The following URB2 variants were observed in gnomAD, a reference collection of about 807,000 sequenced individuals.
URB2 encodes the protein URB2 ribosome biogenesis homolog.
A neutral mutation model predicts 120.9 loss-of-function variants in URB2; 86 were observed. The ratio of observed to expected loss-of-function variants is 0.71; its 90% CI spans 0.60 to 0.85. The LOEUF (loss-of-function observed/expected upper bound fraction) is 0.85. Ranked by LOEUF, URB2 falls within the 40% of genes least tolerant of loss-of-function variation. The pLI, the probability that URB2 is intolerant of heterozygous loss-of-function variation, is 0.00. For synonymous variants in URB2, 755 were observed against 758.4 expected, an observed-to-expected ratio of 1.00 and a Z score of 0.07; for missense variants, 1,765 against 1,836.5, an observed-to-expected ratio of 0.96 and a Z score of 0.71.
At chr1:229,632,504 G>A in intron 3 of URB2, 59 bp downstream of exon 3, 1 of 1,416,514 alleles carries the variant, frequency 7.1e-7, no homozygotes. Context: ...TCTTGTTAAT[G>A]CTGGAAACTT....
In URB2 at chr1:229,635,431, A is replaced by G. The variant is rs779556327; in HGVS notation, c.818A>G (p.Asn273Ser). The G allele has an allele frequency of 6.2e-7, 1 of 1,613,826 alleles. No individual in the cohort carries two copies. The highest frequency in any genetic ancestry group is 1.7e-5 in the Admixed American group (1 of 59,968). The change falls in exon 4 of 10, where the codon AAC becomes AGC. Residue 273 changes from asparagine (N) to serine (S), a missense_variant. By Grantham distance (46) the Asn-to-Ser change is conservative (BLOSUM62 1). Coordinates refer to ENST00000258243, the MANE Select transcript of URB2 (RefSeq NM_014777.4). Reference sequence around the variant, plus strand: ...GATGTGAAGACGGGAGCCATGAAGAACCTTCTGGCTCCCATGGACACCGTG... The same window carrying G: ...GATGTGAAGACGGGAGCCATGAAGAGCCTTCTGGCTCCCATGGACACCGTG... ...QGDVKTGAMK[N>S]LLAPMDTVLN...
Position 229,660,074 on chromosome 1 carries a change from C to A in URB2, c.*777C>A, listed in dbSNP as rs188368205. 2.0e-5 allele frequency: 3 copies of A among 152,260 alleles called. No individual in the cohort carries two copies. In the East Asian group the frequency reaches 5.8e-4, roughly 29 times the overall value. 9.4% of individuals were successfully genotyped at this position (152,260 alleles called of 1,614,324 possible). A position where few individuals can be genotyped will look rare whatever the true frequency, so the allele number is the denominator to read the frequency against. On this transcript the variant is annotated 3_prime_UTR_variant, in exon 10 of 10. Coordinates refer to ENST00000258243, the MANE Select transcript of URB2 (RefSeq NM_014777.4). ...AAAACTCATTCATAGTCTCAGTTAC[C>A]CAGATAACCTCGGTTGTCACCTTGG...
chr1:229,656,873 G>A (rs933124548), intron 9 of URB2, among the ~76,000 whole-genome samples: 2 of 152,204 alleles, frequency 1.3e-5, no homozygotes, highest in African/African-American at 4.8e-5. Flanking sequence ...TCCCTCTACA[G>A]ATGCTCCTGG....
intron 3 of URB2, 129 bp downstream of exon 3, chr1:229,632,574 A>G (rs1479719349): frequency 1.4e-6 from 1 of 725,938 alleles, no homozygotes; most frequent in African/African-American, 1.9e-5. Context: ...AAAGGATGTA[A>G]TATTATTGGA....
rs748606404 is a variant in URB2, at chr1:229,635,252, T to G, written c.639T>G (p.Ser213=). 1 of 1,614,190 alleles carries G rather than the reference T, an allele frequency of 6.2e-7. No individual in the cohort carries two copies. The highest frequency in any genetic ancestry group is 1.1e-5 in the South Asian group (1 of 91,080). The change falls in exon 4 of 10, where the codon TCT becomes TCG. Residue 213 remains serine (S), a synonymous_variant. Coordinates refer to ENST00000258243, the MANE Select transcript of URB2 (RefSeq NM_014777.4). The part of the protein sequence containing the change: ...QPCLVLRHLL[S]GGTWTQAGQG... ...GCCTGGTCCTGAGGCACTTACTCTC[T>G]GGGGGCACATGGACGCAGGCTGGCC...
intron 7 of URB2, among the ~76,000 whole-genome samples, chr1:229,649,101 A>G (rs1666214302): frequency 6.6e-6 from 1 of 152,224 alleles, no homozygotes; most frequent in Non-Finnish European, 1.5e-5. Context: ...TTTATACAGT[A>G]TGCCTTTGAC....
Position 229,637,595 on chromosome 1 carries a change from G to C in URB2, c.2982G>C (p.Trp994Cys). The C allele has an allele frequency of 6.2e-7, 1 of 1,614,184 alleles. No individual in the cohort carries two copies. The highest frequency in any genetic ancestry group is 8.5e-7 in the Non-Finnish European group (1 of 1,180,022). Reference sequence around the variant, plus strand: ...TTATTGAGATGGATGATCCCGCTTGGCTGGAATTCCTCCAAGTGATAGGGA... The same window carrying C: ...TTATTGAGATGGATGATCCCGCTTGCCTGGAATTCCTCCAAGTGATAGGGA... The part of the protein sequence containing the change: ...RFLIEMDDPA[W>C]LEFLQVIGTF... The change falls in exon 4 of 10, where the codon TGG becomes TGC. Residue 994 changes from tryptophan (W) to cysteine (C), a missense_variant. By Grantham distance (215) the Trp-to-Cys change is radical. Coordinates refer to ENST00000258243, the MANE Select transcript of URB2 (RefSeq NM_014777.4).
Position 229,651,243 on chromosome 1 carries a change from G to GA in URB2, c.4161dup (p.Ala1388SerfsTer11). ...GTTATCTGTCATTACAGGTAATGCT[G>GA]AAAGCCATCCCTTCTTTCTTGAACT... On this transcript the variant is annotated frameshift_variant, in exon 8 of 10. Coordinates refer to ENST00000258243, the MANE Select transcript of URB2 (RefSeq NM_014777.4). LOFTEE classifies it high-confidence loss of function. The GA allele has an allele frequency of 6.2e-7, 1 of 1,607,872 alleles. No homozygotes were observed. The highest frequency in any genetic ancestry group is 8.5e-7 in the Non-Finnish European group (1 of 1,177,858).
In URB2 at chr1:229,628,175, G is replaced by A. The variant is rs61825533; in HGVS notation, c.126+416G>A. The stretch of plus-strand genomic sequence containing the variant: ...TATATAGTATATGTATAGTATATAT[G>A]TATATAATATATATAATATATATGT... On this transcript the variant is annotated intron_variant, in intron 2 of 9. Coordinates refer to ENST00000258243, the MANE Select transcript of URB2 (RefSeq NM_014777.4). Among the ~76,000 whole-genome samples, 19 of 84,788 alleles carry A rather than the reference G, an allele frequency of 2.2e-4. 1 individual carries two copies. The highest frequency in any genetic ancestry group is 8.6e-4 in the African/African-American group (19 of 21,972). 55.6% of individuals were successfully genotyped at this position (84,788 alleles called of 152,430 possible).
chr1:229,651,595 A>G (rs1312521472), intron 8 of URB2, among the ~76,000 whole-genome samples: 1 of 152,214 alleles, frequency 6.6e-6, no homozygotes, highest in African/African-American at 2.4e-5. Flanking sequence ...CTGAGCATGT[A>G]TATCATGTAA....
intron 4 of URB2, among the ~76,000 whole-genome samples, chr1:229,638,723 C>T (rs1376487458): frequency 6.6e-6 from 1 of 152,172 alleles, no homozygotes; most frequent in African/African-American, 2.4e-5. Flanking sequence ...TTCATGCCCT[C>T]TATTTACATT....
chr1:229,640,637 T>C (rs1305242428), intron 4 of URB2, among the ~76,000 whole-genome samples: 2 of 152,138 alleles, frequency 1.3e-5, no homozygotes, highest in African/African-American at 4.8e-5. Context: ...ACGTGAGGGT[T>C]AAATGGGTTC....
intron 4 of URB2, 92 bp from the exon 5 acceptor site, chr1:229,643,441 C>G: frequency 6.9e-7 from 1 of 1,459,414 alleles, no homozygotes; most frequent in East Asian, 2.3e-5. Flanking sequence ...TTTTTGATGG[C>G]GGCCACAGCT....
chr1:229,653,082 T>C (rs192683158), intron 8 of URB2, among the ~76,000 whole-genome samples: 1 of 152,358 alleles, frequency 6.6e-6, no homozygotes, highest in East Asian at 1.9e-4. Flanking sequence ...AGCATGTATA[T>C]GGTGAACAGT....
rs1420931506 is a variant in URB2 at position 229,627,700 on chromosome 1, C to T, written c.67C>T (p.Leu23=). 6.2e-7 allele frequency: 1 copy of T among 1,613,308 alleles called. No individual in the cohort carries two copies. Among genetic ancestry groups the T allele is most frequent in the African/African-American group, 1.3e-5 (1 of 74,988 alleles). ...KSKTTSWEDK[L]KLAHFAWISH... ...CAAGACAACTTCCTGGGAAGATAAACTAAAACTAGCTCACTTTGCTTGGAT... is the reference window on the plus strand; with the variant it reads ...CAAGACAACTTCCTGGGAAGATAAATTAAAACTAGCTCACTTTGCTTGGAT... The change falls in exon 2 of 10, where the codon CTA becomes TTA. Residue 23 remains leucine (L), a synonymous_variant. Coordinates refer to ENST00000258243, the MANE Select transcript of URB2 (RefSeq NM_014777.4).
chr1:229,654,493 G>C, intron 9 of URB2, 105 bp downstream of exon 9: 11 of 1,515,132 alleles, frequency 7.3e-6, no homozygotes, highest in Middle Eastern at 2.3e-4. Flanking sequence ...ACAGTTCTCT[G>C]TTGCTGTGTG....
intron 9 of URB2, among the ~76,000 whole-genome samples, chr1:229,657,684 T>C (rs749810730): frequency 4.6e-5 from 7 of 152,206 alleles, no homozygotes; most frequent in Non-Finnish European, 8.8e-5. Context: ...GACACGCCAT[T>C]CTACCTTCGG....
At chr1:229,634,488 A>T (rs1163813197) in intron 3 of URB2, among the ~76,000 whole-genome samples, 1 of 152,204 alleles carries the variant, frequency 6.6e-6, no homozygotes, top group Non-Finnish European at 1.5e-5. Flanking sequence ...TACGGGTGTG[A>T]GGCACTGTGC....
intron 2 of URB2, 148 bp from the exon 3 acceptor site, chr1:229,632,120 AT>A (rs1665681554): frequency 2.0e-6 from 1 of 510,024 alleles, no homozygotes; most frequent in Non-Finnish European, 3.2e-6. Context: ...CGTAAGTAAT[AT>A]TATCAAAGGT....
Sources: gnomAD v4.1 joint callset for allele counts (sites outside exome capture counted in the v4.1 genomes callset) on GRCh38, gnomAD v4.1.1 for gene constraint, MANE v1.5 for transcripts, NCBI Gene and HGNC (gene_info 2026-07-23, HGNC 2026-07-21) for gene names.